The following CNOT6L variants were observed in gnomAD, a reference collection of about 807,000 sequenced individuals.
The protein encoded by CNOT6L is CCR4-NOT transcription complex subunit 6 like, also known as CCR4-NOT transcription complex subunit 6-like.
Under a neutral mutation model 64.0 loss-of-function variants are expected in CNOT6L, and 7 were observed. The observed-to-expected ratio is 0.11, with a 90% CI of 0.06 to 0.21. The LOEUF (loss-of-function observed/expected upper bound fraction) is 0.21. Ranked by LOEUF, CNOT6L falls within the 10% of genes least tolerant of loss-of-function variation. CNOT6L has a pLI of 1.00. For synonymous variants in CNOT6L, 193 were observed against 243.4 expected (o/e 0.79, Z 1.93); for missense variants, 245 against 669.0 (o/e 0.37, Z 6.99).
At chr4:77,792,607 T>C (rs1730290332) in intron 1 of CNOT6L, among the ~76,000 whole-genome samples, 1 of 151,612 alleles carries the variant, frequency 6.6e-6, no homozygotes, top group South Asian at 2.1e-4. Context: ...GCTCCTGTAA[T>C]TCCAGCTAAC....
At chr4:77,776,707 T>C (rs562116155) in intron 1 of CNOT6L, among the ~76,000 whole-genome samples, 69 of 152,236 alleles carry the variant, frequency 4.5e-4, no homozygotes, top group Non-Finnish European at 9.0e-4. Flanking sequence ...AGCAGTTTCG[T>C]GAATGGACTC....
intron 1 of CNOT6L, among the ~76,000 whole-genome samples, chr4:77,815,658 T>G (rs191161967): frequency 2.0e-4 from 31 of 152,290 alleles, no homozygotes; most frequent in African/African-American, 7.5e-4. Flanking sequence ...TGCATTCAAA[T>G]AAGACTCTGT....
intron 1 of CNOT6L, among the ~76,000 whole-genome samples, chr4:77,799,704 C>CAAAAAAAAA (rs71214370): frequency 2.2e-5 from 2 of 90,934 alleles, no homozygotes; most frequent in African/African-American, 4.4e-5. Flanking sequence ...AACTCCATCT[C>CAAAAAAAAA]AAAAAAAAAA....
intron 5 of CNOT6L, among the ~76,000 whole-genome samples, chr4:77,748,828 G>C (rs1039574563): frequency 3.3e-5 from 5 of 151,970 alleles, no homozygotes; most frequent in African/African-American, 1.2e-4. Context: ...TTTTCTAGTG[G>C]GGCCTTCATT....
At chr4:77,722,745 T>C (rs1721420506) in intron 11 of CNOT6L, among the ~76,000 whole-genome samples, 1 of 152,206 alleles carries the variant, frequency 6.6e-6, no homozygotes, top group African/African-American at 2.4e-5. Flanking sequence ...AGCCAGGTTA[T>C]GTCTGTGAAT....
At chr4:77,750,817 C>A (rs1724773021) in intron 5 of CNOT6L, among the ~76,000 whole-genome samples, 1 of 152,298 alleles carries the variant, frequency 6.6e-6, no homozygotes, top group Non-Finnish European at 1.5e-5. Flanking sequence ...CCTTCCTCCC[C>A]ACACCTAACA....
At chr4:77,750,181 G>C (rs1724701394) in intron 5 of CNOT6L, among the ~76,000 whole-genome samples, 1 of 152,098 alleles carries the variant, frequency 6.6e-6, no homozygotes, top group Non-Finnish European at 1.5e-5. Context: ...TATAATTTTT[G>C]TATGTAAATG....
intron 1 of CNOT6L, among the ~76,000 whole-genome samples, chr4:77,780,755 T>C (rs1018649595): frequency 6.6e-6 from 1 of 152,244 alleles, no homozygotes; most frequent in African/African-American, 2.4e-5. Flanking sequence ...TCTTTGGTTC[T>C]ATTAAACAAA....
rs148356718 is a variant in CNOT6L at position 77,762,069 on chromosome 4, A to G, written c.401-5118T>C. ...AAACTACAAAACTTTATTTGAAAATAAAGCAAAGAAGATCTGTGTAAATGA... is the reference window on the plus strand; with the variant it reads ...AAACTACAAAACTTTATTTGAAAATGAAGCAAAGAAGATCTGTGTAAATGA... On this transcript the variant is annotated intron_variant, in intron 4 of 11. Transcript: ENST00000504123. 1.1e-3 allele frequency among the ~76,000 whole-genome samples: 168 copies of G among 152,316 alleles called. 1 individual carries two copies. The highest frequency in any genetic ancestry group is 3.7e-3 in the African/African-American group (155 of 41,582).
chr4:77,767,106 G>T (rs1168166352), intron 4 of CNOT6L, among the ~76,000 whole-genome samples: 10 of 90,090 alleles, frequency 1.1e-4, no homozygotes, highest in African/African-American at 2.8e-4. Flanking sequence ...GACAGTTGTG[G>T]TTTACAATAA....
At chr4:77,720,689 A>G (rs1416198398) in intron 11 of CNOT6L, 46 bp from the exon 12 acceptor site, 1 of 1,591,848 alleles carries the variant, frequency 6.3e-7, no homozygotes, top group Admixed American at 1.7e-5. Flanking sequence ...TTCAAGATAT[A>G]TAAAGAACAA....
At chr4:77,812,275 T>C (rs1733034093) in intron 1 of CNOT6L, among the ~76,000 whole-genome samples, 2 of 151,556 alleles carry the variant, frequency 1.3e-5, no homozygotes, top group Admixed American at 1.3e-4. Context: ...CCATCTCTAC[T>C]AAAAATACAG....
At chr4:77,764,298 T>TA (rs760103869) in intron 4 of CNOT6L, among the ~76,000 whole-genome samples, 304 of 152,310 alleles carry the variant, frequency 2.0e-3, no homozygotes, top group Middle Eastern at 0.01. Context: ...ACTTTACTAA[T>TA]ATATTGCATG....
At chr4:77,763,298 G>A (rs1400482822) in intron 4 of CNOT6L, among the ~76,000 whole-genome samples, 2 of 151,904 alleles carry the variant, frequency 1.3e-5, no homozygotes, top group Non-Finnish European at 1.5e-5. Flanking sequence ...GCACACAAAA[G>A]GTTGAAAGTA....
intron 4 of CNOT6L, among the ~76,000 whole-genome samples, chr4:77,766,212 A>G (rs1182108582): frequency 1.3e-5 from 2 of 152,202 alleles, no homozygotes; most frequent in African/African-American, 4.8e-5. Flanking sequence ...GTGTGTATGT[A>G]TATGTATATA....
chr4:77,760,930 A>G (rs1478008103), intron 4 of CNOT6L, among the ~76,000 whole-genome samples: 2 of 120,204 alleles, frequency 1.7e-5, no homozygotes, highest in African/African-American at 6.5e-5. Context: ...GTTAGCCAGG[A>G]TGGTCTTGAT....
intron 1 of CNOT6L, among the ~76,000 whole-genome samples, chr4:77,798,532 G>C (rs1258193560): frequency 6.6e-6 from 1 of 152,132 alleles, no homozygotes; most frequent in East Asian, 1.9e-4. Flanking sequence ...CATTAGAGAA[G>C]TGAAAATTAA....
Position 77,791,319 on chromosome 4 carries a change from T to C in CNOT6L, c.6-14927A>G, listed in dbSNP as rs79698560. 1.1e-3 allele frequency among the ~76,000 whole-genome samples: 165 copies of C among 152,270 alleles called. 3 individuals carry two copies. In the East Asian group the frequency reaches 0.022, roughly 20 times the overall value. On this transcript the variant is annotated intron_variant, in intron 1 of 11. Transcript: ENST00000504123. ...ATCATCTTCAGCATCATCTTTGTCA[T>C]ATTTCTGATAGCCTAGCATGTTATC... is the stretch of plus-strand genomic sequence containing the variant.
chr4:77,815,486 A>G (rs1733465760), intron 1 of CNOT6L, among the ~76,000 whole-genome samples: 2 of 151,976 alleles, frequency 1.3e-5, no homozygotes, highest in African/African-American at 2.4e-5. Flanking sequence ...CTCACACCCA[A>G]TTTTACTCTT....
Sources: gnomAD v4.1 joint callset for allele counts (sites outside exome capture counted in the v4.1 genomes callset) on GRCh38, gnomAD v4.1.1 for gene constraint, MANE v1.5 for transcripts, NCBI Gene and HGNC (gene_info 2026-07-23, HGNC 2026-07-21) for gene names.